PKD2L1: variants seen among roughly 807,000 people sequenced by gnomAD.
PKD2L1 encodes the protein polycystin 2 like 1, transient receptor potential cation channel, also known as polycystin-2-like protein 1.
In PKD2L1, 77 loss-of-function variants were observed where a neutral mutation model predicts 93.0. The observed-to-expected ratio is 0.83, with a 90% CI of 0.69 to 1.00. The LOEUF (loss-of-function observed/expected upper bound fraction) is 1.00. PKD2L1 is among the 50% of genes least tolerant of loss of function. The pLI is 0.00. For synonymous variants in PKD2L1, 390 were observed against 388.0 expected, an observed-to-expected ratio of 1.01 and a Z score of -0.06; for missense variants, 977 against 990.9, an observed-to-expected ratio of 0.99 and a Z score of 0.19.
chr10:100,291,301 C>T lies in PKD2L1; in HGVS notation c.2007G>A (p.Arg669=). Residue 669 remains arginine (R), a splice_region_variant and synonymous_variant, in exon 12 of 16, where the codon AGG becomes AGA. Transcript: ENST00000318222. ...EKMRQDLEEE[R]VALNTEIEKL... ...CTCTCCACCCATCAGCCCAGCTCAC[C>T]CTCTCTTCCTCCAGGTCCTGTCGCA... The T allele has an allele frequency of 6.2e-7, 1 of 1,613,304 alleles. No homozygotes were observed. Among genetic ancestry groups the T allele is most frequent in the Non-Finnish European group, 8.5e-7 (1 of 1,179,546 alleles).
intron 2 of PKD2L1, among the ~76,000 whole-genome samples, chr10:100,315,816 T>A (rs1421076498): frequency 6.6e-6 from 1 of 152,108 alleles, no homozygotes; most frequent in Non-Finnish European, 1.5e-5. Context: ...CGCTACCTCC[T>A]CCATCCCCTG....
Position 100,297,444 on chromosome 10 carries a change from A to C in PKD2L1, c.894T>G (p.Thr298=). The change falls in exon 5 of 16, where the codon ACT becomes ACG. Residue 298 remains threonine, a synonymous_variant. Coordinates refer to ENST00000318222, the MANE Select transcript of PKD2L1 (RefSeq NM_016112.3). Reference sequence around the variant, plus strand: ...CTGAGAAGTCGATGAACACCACTCGAGTGCCCCTGTCCAGCCACAGCCCCT... The same window carrying C: ...CTGAGAAGTCGATGAACACCACTCGCGTGCCCCTGTCCAGCCACAGCCCCT... The part of the protein sequence containing the change: ...LQEGLWLDRG[T]RVVFIDFSVY... 2 of 1,614,168 alleles carry C rather than the reference A, an allele frequency of 1.2e-6. No individual in the cohort carries two copies. The highest frequency in any genetic ancestry group is 1.7e-6 in the Non-Finnish European group (2 of 1,180,028).
intron 2 of PKD2L1, among the ~76,000 whole-genome samples, chr10:100,309,776 A>G (rs1174960401): frequency 2.0e-5 from 3 of 152,182 alleles, no homozygotes; most frequent in African/African-American, 7.2e-5. Flanking sequence ...AAAGCCCCAG[A>G]AGAGTCAGCC....
chr10:100,303,607 C>T (rs1848735327), intron 2 of PKD2L1, among the ~76,000 whole-genome samples: 2 of 152,146 alleles, frequency 1.3e-5, no homozygotes, highest in Admixed American at 6.5e-5. Flanking sequence ...CGAATGATCA[C>T]GGATTGGGCA....
At position 100,297,443 on chromosome 10, in the gene PKD2L1, G is replaced by A. The variant is rs773088402; in HGVS notation, c.895C>T (p.Arg299Ter). ...ACTGAGAAGTCGATGAACACCACTC[G>A]AGTGCCCCTGTCCAGCCACAGCCCC... The part of the protein sequence containing the change: ...QEGLWLDRGT[R>*]VVFIDFSVYN... Residue 299 changes from arginine to a stop codon, truncating the protein, a stop_gained, in exon 5 of 16, where the codon CGA (arginine) becomes TGA (stop). Coordinates refer to ENST00000318222, the MANE Select transcript of PKD2L1 (RefSeq NM_016112.3). LOFTEE classifies it high-confidence loss of function. 69 of 1,614,042 alleles carry A rather than the reference G, an allele frequency of 4.3e-5. No homozygotes were observed. Among genetic ancestry groups the A allele is most frequent in the Middle Eastern group, 3.3e-4 (2 of 6,084 alleles).
chr10:100,320,674 A>G (rs1849206833), intron 2 of PKD2L1, among the ~76,000 whole-genome samples: 1 of 152,188 alleles, frequency 6.6e-6, no homozygotes, highest in South Asian at 2.1e-4. Context: ...AAAGTGTCCA[A>G]CCTCATTGGT....
chr10:100,289,148 GC>G (rs1392380777), intron 14 of PKD2L1, 92 bp from the exon 15 acceptor site: 7 of 838,480 alleles, frequency 8.3e-6, no homozygotes, highest in Non-Finnish European at 1.1e-5. Context: ...AACTCAGACT[GC>G]TATAGACTGT....
At chr10:100,324,220 C>T (rs1849327227) in intron 2 of PKD2L1, among the ~76,000 whole-genome samples, 1 of 152,238 alleles carries the variant, frequency 6.6e-6, no homozygotes, top group African/African-American at 2.4e-5. Flanking sequence ...CACATAAGTA[C>T]AGCCTCCCCT....
intron 12 of PKD2L1, 93 bp from the exon 13 acceptor site, chr10:100,290,612 C>CTGAGCCTTGGTCCTG: frequency 1.3e-6 from 1 of 771,294 alleles, no homozygotes; most frequent in Non-Finnish European, 2.2e-6. Context: ...ATCTCAGGAC[C>CTGAGCCTTGGTCCTG]AAGGCTCAGG....
At chr10:100,306,945 C>G (rs1036138066) in intron 2 of PKD2L1, among the ~76,000 whole-genome samples, 1 of 151,628 alleles carries the variant, frequency 6.6e-6, no homozygotes, top group Non-Finnish European at 1.5e-5. Flanking sequence ...GTTTCCCTCC[C>G]CCTACATCCC....
At chr10:100,302,448 G>C (rs1235359829) in intron 2 of PKD2L1, among the ~76,000 whole-genome samples, 3 of 151,954 alleles carry the variant, frequency 2.0e-5, no homozygotes, top group Non-Finnish European at 4.4e-5. Flanking sequence ...TGTAATCCTA[G>C]CACTGTGGGT....
At position 100,288,187 on chromosome 10, in the gene PKD2L1, C is replaced by T. The variant is rs765260292; in HGVS notation, c.*209G>A. 12 of 502,208 alleles carry T rather than the reference C, an allele frequency of 2.4e-5. No homozygotes were observed. The highest frequency in any genetic ancestry group is 4.3e-5 in the Non-Finnish European group (12 of 280,356). The allele number at this position is 502,208 out of a possible 1,614,324, so 31.1% of individuals were successfully genotyped here. ...TTTTATTGATAGCCACCATGGAAACCCACATGGTCTTATGGAAGAATAATG... is the reference window on the plus strand; with the variant it reads ...TTTTATTGATAGCCACCATGGAAACTCACATGGTCTTATGGAAGAATAATG... On this transcript the variant is annotated 3_prime_UTR_variant, in exon 16 of 16. Coordinates refer to ENST00000318222, the MANE Select transcript of PKD2L1 (RefSeq NM_016112.3).
chr10:100,293,261 C>T lies in PKD2L1; in HGVS notation c.1758+20G>A. 3 of 1,574,896 alleles carry T rather than the reference C, an allele frequency of 1.9e-6. No homozygotes were observed. Among genetic ancestry groups the T allele is most frequent in the Non-Finnish European group, 2.6e-6 (3 of 1,144,308 alleles). On this transcript the variant is annotated intron_variant, in intron 10 of 15. Transcript: ENST00000318222. ...GGGGCACTGATGGAAATGTGTAGCT[C>T]AAGGAGATTGAGCAATCACCTGTTT...
intron 2 of PKD2L1, among the ~76,000 whole-genome samples, chr10:100,328,649 T>C (rs1303290503): frequency 6.6e-5 from 10 of 151,508 alleles, no homozygotes; most frequent in African/African-American, 2.4e-4. Context: ...GGCTGGAGTG[T>C]AGTGGCACGA....
At chr10:100,303,189 C>CTGT (rs1848722045) in intron 2 of PKD2L1, among the ~76,000 whole-genome samples, 1 of 108,216 alleles carries the variant, frequency 9.2e-6, no homozygotes, top group African/African-American at 3.7e-5. Context: ...TTACATCAAA[C>CTGT]TGTTTTTTTG....
At chr10:100,296,377 G>T in intron 6 of PKD2L1, 85 bp from the exon 7 acceptor site, 2 of 1,146,948 alleles carry the variant, frequency 1.7e-6, no homozygotes, top group Non-Finnish European at 1.2e-6. Context: ...GGGAGAGTCA[G>T]GGTAGGTAAG....
Position 100,330,119 on chromosome 10 carries a change from G to A in PKD2L1, c.-16C>T. On this transcript the variant is annotated 5_prime_UTR_variant, in exon 1 of 16. Coordinates refer to ENST00000318222, the MANE Select transcript of PKD2L1 (RefSeq NM_016112.3). Reference sequence around the variant, plus strand: ...CAGCATTCATGGGGAATGAGGTGGGGGGGCCCGGTACCCCAGGTGCCCACT... The same window carrying A: ...CAGCATTCATGGGGAATGAGGTGGGAGGGCCCGGTACCCCAGGTGCCCACT... 3.3e-6 allele frequency: 5 copies of A among 1,496,822 alleles called. No homozygotes were observed. The highest frequency in any genetic ancestry group is 3.6e-6 in the Non-Finnish European group (4 of 1,098,460). The allele number at this position is 1,496,822 out of a possible 1,614,324, so 92.7% of individuals were successfully genotyped here.
At chr10:100,308,918 T>A (rs1848868555) in intron 2 of PKD2L1, among the ~76,000 whole-genome samples, 1 of 152,184 alleles carries the variant, frequency 6.6e-6, no homozygotes, top group Non-Finnish European at 1.5e-5. Flanking sequence ...TGAAGGTGAA[T>A]TGCAAAAGCA....
At chr10:100,322,696 G>A (rs761764497) in intron 2 of PKD2L1, among the ~76,000 whole-genome samples, 11 of 152,198 alleles carry the variant, frequency 7.2e-5, no homozygotes, top group Non-Finnish European at 1.6e-4. Flanking sequence ...TAGTTAGCTA[G>A]TAGAATTTCT....
Sources: allele counts gnomAD v4.1 joint callset (sites outside exome capture counted in the v4.1 genomes callset), GRCh38; gene constraint gnomAD v4.1.1; transcripts MANE v1.5; gene names NCBI Gene and HGNC (gene_info 2026-07-23, HGNC 2026-07-21).